ZNF827: variants seen among roughly 807,000 people sequenced by gnomAD.
ZNF827 encodes zinc finger protein 827.
ZNF827 carries 13 observed loss-of-function variants against 102.4 expected under a neutral mutation model. The observed-to-expected ratio is 0.13, with a 90% CI of 0.08 to 0.20. The LOEUF (loss-of-function observed/expected upper bound fraction) is 0.20, where lower values mean the gene tolerates loss of function less well. ZNF827 is among the 10% of genes least tolerant of loss of function. The probability of loss-of-function intolerance (pLI) is 1.00; values close to 1 mark genes in which losing one functional copy is unlikely to be tolerated. For missense variants in ZNF827, 1,103 were observed against 1,344.4 expected, an observed-to-expected ratio of 0.82 and a Z score of 2.81; for synonymous variants, 523 against 536.2, an observed-to-expected ratio of 0.98 and a Z score of 0.34.
chr4:145,771,905 A>T (rs1736344529), intron 11 of ZNF827, among the ~76,000 whole-genome samples: 1 of 152,238 alleles, frequency 6.6e-6, no homozygotes, highest in Admixed American at 6.5e-5. Flanking sequence ...AGGCTCATAA[A>T]ATTAGAGAAT....
chr4:145,921,785 T>C (rs796211233), intron 1 of ZNF827, among the ~76,000 whole-genome samples: 2 of 152,258 alleles, frequency 1.3e-5, no homozygotes, highest in African/African-American at 4.8e-5. Context: ...GAAATCTTAG[T>C]CATCTCTTCT....
chr4:145,767,771 T>C (rs1246571760), intron 11 of ZNF827, among the ~76,000 whole-genome samples: 2 of 152,060 alleles, frequency 1.3e-5, no homozygotes, highest in African/African-American at 2.4e-5. Context: ...GAAAATATAT[T>C]TCAAAAATGA....
chr4:145,862,967 A>T (rs930696131), intron 5 of ZNF827, among the ~76,000 whole-genome samples: 2 of 152,226 alleles, frequency 1.3e-5, no homozygotes, highest in Non-Finnish European at 2.9e-5. Flanking sequence ...CAACTGGCAG[A>T]ACTGGGAGGA....
chr4:145,833,490 G>C (rs902074488), intron 7 of ZNF827, among the ~76,000 whole-genome samples: 2 of 152,086 alleles, frequency 1.3e-5, no homozygotes, highest in African/African-American at 4.8e-5. Flanking sequence ...TGGGGCAGGG[G>C]CAAGTACCCC....
chr4:145,827,327 A>T (rs1444879001), intron 7 of ZNF827, among the ~76,000 whole-genome samples: 1 of 152,212 alleles, frequency 6.6e-6, no homozygotes, highest in Non-Finnish European at 1.5e-5. Flanking sequence ...GATGGAGGGG[A>T]GTAGGGACCA....
chr4:145,897,664 T>C (rs1456863107), intron 2 of ZNF827, among the ~76,000 whole-genome samples: 1 of 152,238 alleles, frequency 6.6e-6, no homozygotes, highest in Non-Finnish European at 1.5e-5. Context: ...GGTTTATCTG[T>C]TATTATGGAT....
Position 145,835,545 on chromosome 4 carries a change from T to C in ZNF827, c.2279+10411A>G, listed in dbSNP as rs1054715456. Among the ~76,000 whole-genome samples, 7 of 149,832 alleles carry C rather than the reference T, an allele frequency of 4.7e-5. 1 individual carries two copies. The highest frequency in any genetic ancestry group is 1.5e-4 in the African/African-American group (6 of 40,002). On this transcript the variant is annotated intron_variant, in intron 7 of 14. Coordinates refer to ENST00000508784, the MANE Select transcript of ZNF827 (RefSeq NM_001306215.2). ...TAACTAAATTATCTGCTTCCCTGAC[T>C]ATTCCTGGACTACAGCAATATCTCA...
Position 145,810,479 on chromosome 4 carries a change from G to C in ZNF827, c.2383+12943C>G, listed in dbSNP as rs1396701316. Among the ~76,000 whole-genome samples the C allele has an allele frequency of 2.0e-5, 3 of 152,020 alleles. No homozygotes were observed. In the East Asian group the frequency reaches 5.8e-4, roughly 29 times the overall value. On this transcript the variant is annotated intron_variant, in intron 8 of 14. Transcript: ENST00000508784. ...AATTGATGAAAAAAATAGAACAAAG[G>C]ATATAAACTCAAAAATAAAAGAATG... is the stretch of plus-strand genomic sequence containing the variant.
intron 8 of ZNF827, among the ~76,000 whole-genome samples, chr4:145,794,550 G>A (rs1027247357): frequency 6.6e-6 from 1 of 152,040 alleles, no homozygotes; most frequent in African/African-American, 2.4e-5. Flanking sequence ...AGCCAGGTAT[G>A]GTGGTGTGTG....
At chr4:145,775,634 G>T (rs750811005) in intron 10 of ZNF827, among the ~76,000 whole-genome samples, 155 bp downstream of exon 10, 1 of 152,108 alleles carries the variant, frequency 6.6e-6, no homozygotes, top group Non-Finnish European at 1.5e-5. Flanking sequence ...CTGTGCAACT[G>T]CAGGGCTCAA....
At chr4:145,846,151 A>C in intron 6 of ZNF827, 138 bp from the exon 7 acceptor site, 3 of 796,028 alleles carry the variant, frequency 3.8e-6, no homozygotes, top group Non-Finnish European at 6.1e-6. Context: ...TTAAACATCC[A>C]GATCCTCCCC....
chr4:145,835,762 G>A (rs13111641), intron 7 of ZNF827, among the ~76,000 whole-genome samples: 34,249 of 88,828 alleles, frequency 0.39, 7,590 homozygotes, highest in East Asian at 0.74. Context: ...CGCTTTAAAA[G>A]GATTAGAGCC....
chr4:145,789,091 T>C (rs887834268), intron 8 of ZNF827, among the ~76,000 whole-genome samples: 2 of 152,236 alleles, frequency 1.3e-5, no homozygotes, highest in African/African-American at 4.8e-5. Flanking sequence ...CTCCTCCTTC[T>C]TGGCTGTCTG....
At chr4:145,814,534 A>G (rs1340066995) in intron 8 of ZNF827, among the ~76,000 whole-genome samples, 1 of 152,024 alleles carries the variant, frequency 6.6e-6, no homozygotes, top group African/African-American at 2.4e-5. Flanking sequence ...CACATTGGTA[A>G]CCTGTTTGGC....
chr4:145,773,669 T>C, intron 11 of ZNF827, among the ~76,000 whole-genome samples: 1 of 152,200 alleles, frequency 6.6e-6, no homozygotes, highest in East Asian at 1.9e-4. Flanking sequence ...CATCAATAAA[T>C]GGAAGAAGTT....
In ZNF827 at chr4:145,938,589, G is replaced by T; in HGVS notation, c.-182C>A. The T allele has an allele frequency of 1.8e-6, 1 of 542,844 alleles. No homozygotes were observed. 33.6% of individuals were successfully genotyped at this position (542,844 alleles called of 1,614,324 possible). A position where few individuals can be genotyped will look rare whatever the true frequency, so the allele number is the denominator to read the frequency against. ...AAGCTTGTTTCCTGGAGCCAGAAGA[G>T]GGGTTTTCTTCTTTTCTTTCCTTTC... On this transcript the variant is annotated 5_prime_UTR_variant, in exon 1 of 15. Transcript: ENST00000508784.
At chr4:145,933,382 A>G (rs920817039) in intron 1 of ZNF827, among the ~76,000 whole-genome samples, 1 of 152,204 alleles carries the variant, frequency 6.6e-6, no homozygotes, top group African/African-American at 2.4e-5. Flanking sequence ...GTTAGTCAGG[A>G]GGTACTGCCC....
At chr4:145,768,913 ATATTAGG>A (rs1222600696) in intron 11 of ZNF827, among the ~76,000 whole-genome samples, 1 of 52,918 alleles carries the variant, frequency 1.9e-5, no homozygotes, top group Non-Finnish European at 3.9e-5. Flanking sequence ...ATATATATAT[ATATTAGG>A]TATACAAAGT....
chr4:145,878,281 A>T lies in ZNF827; in HGVS notation c.1747+7397T>A, dbSNP rs185299395. Among the ~76,000 whole-genome samples, 4 of 152,302 alleles carry T rather than the reference A, an allele frequency of 2.6e-5. 1 individual carries two copies. The East Asian group carries it at 7.7e-4, about 29-fold the overall frequency. ...AGGAGGAAAATATACATGCAATTCCATGGTTCCAATTATCAGACCCCAGGA... is the reference window on the plus strand; with the variant it reads ...AGGAGGAAAATATACATGCAATTCCTTGGTTCCAATTATCAGACCCCAGGA... On this transcript the variant is annotated intron_variant, in intron 4 of 14. Coordinates refer to ENST00000508784, the MANE Select transcript of ZNF827 (RefSeq NM_001306215.2).
Sources: allele counts gnomAD v4.1 joint callset (sites outside exome capture counted in the v4.1 genomes callset), GRCh38; gene constraint gnomAD v4.1.1; transcripts MANE v1.5; gene names NCBI Gene and HGNC (gene_info 2026-07-23, HGNC 2026-07-21).